The following EYS variants were observed in gnomAD, a reference collection of about 807,000 sequenced individuals.
EYS encodes the protein protein eyes shut homolog.
EYS carries 250 observed loss-of-function variants against 282.1 expected under a neutral mutation model. That is an observed-to-expected ratio of 0.89 (90% CI 0.80 to 0.98). EYS has a LOEUF of 0.98. Ranked by LOEUF, EYS falls within the 50% of genes least tolerant of loss-of-function variation. EYS has a pLI of 0.00. For missense variants in EYS, 4,016 were observed against 3,709.0 expected, an observed-to-expected ratio of 1.08 and a Z score of -2.15; for synonymous variants, 1,355 against 1,282.9, an observed-to-expected ratio of 1.06 and a Z score of -1.20.
intron 13 of EYS, among the ~76,000 whole-genome samples, chr6:65,017,366 C>T (rs1772089023): frequency 6.6e-6 from 1 of 152,140 alleles, no homozygotes; most frequent in Non-Finnish European, 1.5e-5. Flanking sequence ...ATGACTTACA[C>T]TTTTAAATAA....
chr6:65,213,622 A>C (rs541980263), intron 12 of EYS, among the ~76,000 whole-genome samples: 12 of 152,300 alleles, frequency 7.9e-5, no homozygotes, highest in African/African-American at 2.9e-4. Flanking sequence ...AAATTGCCAC[A>C]AACTACAACC....
chr6:63,789,223 C>A lies in EYS; in HGVS notation c.7413G>T (p.Gly2471=), dbSNP rs1274856326. 1 of 1,551,082 alleles carries A rather than the reference C, an allele frequency of 6.4e-7. No homozygotes were observed. The highest frequency in any genetic ancestry group is 8.7e-7 in the Non-Finnish European group (1 of 1,146,570). ...CAGCCAGGAAGTCATCGCCATTCAA[C>A]CCTGGAATGAGAAGACACATGGGGA... ...LIFFTGQKGH[G]LNGDDFLAVG... The change falls in exon 38 of 43, where the codon GGG becomes GGT. Residue 2471 remains glycine, a splice_region_variant and synonymous_variant. Coordinates refer to ENST00000503581, the MANE Select transcript of EYS (RefSeq NM_001142800.2).
At chr6:64,025,393 A>G (rs1303181330) in intron 33 of EYS, among the ~76,000 whole-genome samples, 1 of 152,162 alleles carries the variant, frequency 6.6e-6, no homozygotes, top group Non-Finnish European at 1.5e-5. Context: ...ATGTCGCCCA[A>G]GCAAGACTCA....
intron 12 of EYS, among the ~76,000 whole-genome samples, chr6:65,125,179 C>T (rs1404446024): frequency 1.3e-5 from 2 of 152,202 alleles, no homozygotes; most frequent in Non-Finnish European, 2.9e-5. Context: ...CACTGTTAAA[C>T]ACACTGTTGT....
chr6:65,648,722 T>C (rs1312801518), intron 1 of EYS, among the ~76,000 whole-genome samples: 1 of 148,840 alleles, frequency 6.7e-6, no homozygotes, highest in Non-Finnish European at 1.5e-5. Flanking sequence ...AAAAAATCAA[T>C]TTATAAAACA....
intron 21 of EYS, among the ~76,000 whole-genome samples, chr6:64,819,211 T>G (rs911702963): frequency 1.3e-5 from 2 of 152,154 alleles, no homozygotes; most frequent in African/African-American, 4.8e-5. Flanking sequence ...TCACTTTCCA[T>G]GTGGAGCTGG....
chr6:63,813,687 G>A (rs1771104961), intron 36 of EYS, among the ~76,000 whole-genome samples: 1 of 152,158 alleles, frequency 6.6e-6, no homozygotes, highest in African/African-American at 2.4e-5. Flanking sequence ...TGTTTTCTAT[G>A]TAGGCTGCTG....
chr6:65,442,906 A>G (rs1280966371), intron 5 of EYS, among the ~76,000 whole-genome samples: 1 of 134,316 alleles, frequency 7.4e-6, no homozygotes, highest in African/African-American at 2.5e-5. Context: ...ATGTATATAT[A>G]CATGCACATA....
chr6:65,109,768 G>T (rs1320150957), intron 12 of EYS, among the ~76,000 whole-genome samples: 1 of 151,698 alleles, frequency 6.6e-6, no homozygotes, highest in African/African-American at 2.4e-5. Flanking sequence ...AATTTACTCT[G>T]CCTACCTACC....
Position 65,513,264 on chromosome 6 carries a change from C to T in EYS, c.-332-17271G>A, listed in dbSNP as rs1352663097. Reference sequence around the variant, plus strand: ...GGAAGAAGTTGAATCTCTGAATAGACCAATAACAGGCTCTGAAATTGTGGC... The same window carrying T: ...GGAAGAAGTTGAATCTCTGAATAGATCAATAACAGGCTCTGAAATTGTGGC... On this transcript the variant is annotated intron_variant, in intron 2 of 42. Transcript: ENST00000503581. Among the ~76,000 whole-genome samples the T allele has an allele frequency of 2.6e-5, 4 of 152,238 alleles. No homozygotes were observed. In the East Asian group the frequency reaches 7.7e-4, roughly 29 times the overall value.
intron 31 of EYS, among the ~76,000 whole-genome samples, chr6:64,139,967 CAATAAATAAATAAATAAATAAATA>C (rs68103337): frequency 8.4e-5 from 12 of 143,670 alleles, no homozygotes; most frequent in African/African-American, 3.1e-4. Context: ...GATTCTGTCT[CAATAAATAAATAAATAAATAAATA>C]AATAAATAAA....
At chr6:64,545,323 C>T (rs985154599) in intron 26 of EYS, among the ~76,000 whole-genome samples, 2 of 152,102 alleles carry the variant, frequency 1.3e-5, no homozygotes, top group Admixed American at 6.5e-5. Flanking sequence ...TTCAACGACC[C>T]TTCATGCTAA....
intron 31 of EYS, among the ~76,000 whole-genome samples, chr6:64,130,281 C>G (rs1010929239): frequency 2.0e-5 from 3 of 152,136 alleles, no homozygotes; most frequent in Non-Finnish European, 4.4e-5. Flanking sequence ...ACATATGCAC[C>G]ATGGAATACT....
chr6:63,824,155 T>C (rs1220447213), intron 36 of EYS, among the ~76,000 whole-genome samples: 1 of 152,214 alleles, frequency 6.6e-6, no homozygotes, highest in Non-Finnish European at 1.5e-5. Context: ...AGGCAAGTTC[T>C]AAATAAAGAA....
At chr6:65,141,649 G>GTCTGTCTGTCTGTCTATCTA (rs1216509536) in intron 12 of EYS, among the ~76,000 whole-genome samples, 1 of 131,252 alleles carries the variant, frequency 7.6e-6, no homozygotes, top group African/African-American at 3.2e-5. Flanking sequence ...CTGTCTGTCT[G>GTCTGTCTGTCTGTCTATCTA]TCTATCTATC....
At chr6:64,809,171 C>T (rs1257723370) in intron 22 of EYS, among the ~76,000 whole-genome samples, 1 of 152,056 alleles carries the variant, frequency 6.6e-6, no homozygotes, top group African/African-American at 2.4e-5. Context: ...ATCTGGGTAA[C>T]AACCACGAAG....
At chr6:64,344,511 T>C (rs1377209233) in intron 29 of EYS, among the ~76,000 whole-genome samples, 1 of 152,066 alleles carries the variant, frequency 6.6e-6, no homozygotes, top group Admixed American at 6.6e-5. Context: ...TCAACAACTC[T>C]TCATGCTAAA....
intron 12 of EYS, among the ~76,000 whole-genome samples, chr6:65,122,567 G>A (rs1024927400): frequency 6.6e-6 from 1 of 152,024 alleles, no homozygotes; most frequent in Non-Finnish European, 1.5e-5. Flanking sequence ...AAAAAAAAGT[G>A]TGGTCCCATT....
At chr6:64,506,707 T>C (rs1030905863) in intron 26 of EYS, among the ~76,000 whole-genome samples, 8 of 152,088 alleles carry the variant, frequency 5.3e-5, no homozygotes, top group African/African-American at 1.7e-4. Context: ...GGTCAGGAGA[T>C]GGAGACCATC....
Sources: allele counts gnomAD v4.1 joint callset (sites outside exome capture counted in the v4.1 genomes callset), GRCh38; gene constraint gnomAD v4.1.1; transcripts MANE v1.5; gene names NCBI Gene and HGNC (gene_info 2026-07-23, HGNC 2026-07-21).